CDH18: variants seen among roughly 807,000 people sequenced by gnomAD.
CDH18 encodes cadherin 18, also known as cadherin-18.
In CDH18, 31 loss-of-function variants were observed where a neutral mutation model predicts 67.9. The observed-to-expected ratio is 0.46, with a 90% confidence interval of 0.34 to 0.62. The LOEUF (loss-of-function observed/expected upper bound fraction) is 0.62. Ranked by LOEUF, CDH18 falls within the 20% of genes least tolerant of loss-of-function variation. CDH18 has a pLI of 0.01. For synonymous variants in CDH18, 362 were observed against 347.2 expected, an observed-to-expected ratio of 1.04 and a Z score of -0.48; for missense variants, 890 against 975.5, an observed-to-expected ratio of 0.91 and a Z score of 1.17.
chr5:19,591,480 A>T (rs1025539466), intron 6 of CDH18, among the ~76,000 whole-genome samples: 2 of 152,148 alleles, frequency 1.3e-5, no homozygotes, highest in Non-Finnish European at 2.9e-5. Context: ...TTGAATATGA[A>T]ATATTTTATT....
chr5:20,437,816 A>G (rs183656122), intron 1 of CDH18, among the ~76,000 whole-genome samples: 9 of 151,454 alleles, frequency 5.9e-5, no homozygotes, highest in African/African-American at 2.2e-4. Context: ...AAAAACCTCA[A>G]TTACTTGAAA....
At chr5:20,007,549 T>C (rs1294523181) in intron 2 of CDH18, among the ~76,000 whole-genome samples, 2 of 152,216 alleles carry the variant, frequency 1.3e-5, no homozygotes, top group South Asian at 2.1e-4. Flanking sequence ...ACTCAAAATA[T>C]AGAAATGATG....
intron 1 of CDH18, among the ~76,000 whole-genome samples, chr5:20,531,434 G>A (rs62352733): frequency 0.021 from 3,244 of 151,926 alleles, 70 homozygotes; most frequent in African/African-American, 0.044. Flanking sequence ...AAAATACATC[G>A]ATGTGTATGC....
At chr5:19,837,043 A>G (rs1321702245) in intron 3 of CDH18, among the ~76,000 whole-genome samples, 1 of 152,178 alleles carries the variant, frequency 6.6e-6, no homozygotes, top group Non-Finnish European at 1.5e-5. Flanking sequence ...GATAAATAAA[A>G]TGTGACACAT....
intron 3 of CDH18, among the ~76,000 whole-genome samples, chr5:19,799,179 A>G (rs1241290783): frequency 2.6e-5 from 4 of 152,060 alleles, no homozygotes; most frequent in African/African-American, 9.7e-5. Flanking sequence ...CATTTCACTT[A>G]TATGGGATAT....
chr5:20,226,370 G>T (rs944795722), intron 2 of CDH18, among the ~76,000 whole-genome samples: 21 of 152,060 alleles, frequency 1.4e-4, no homozygotes, highest in Admixed American at 2.6e-4. Flanking sequence ...GATACTGGGT[G>T]ATTATTATAA....
intron 5 of CDH18, among the ~76,000 whole-genome samples, chr5:19,633,550 GT>G: frequency 6.6e-6 from 1 of 152,102 alleles, no homozygotes; most frequent in Non-Finnish European, 1.5e-5. Context: ...GCATAGTGGG[GT>G]GGGGAGGGAA....
intron 1 of CDH18, chr5:20,575,344 T>C (rs932264625): frequency 6.6e-6 from 1 of 152,122 alleles, no homozygotes; most frequent in Non-Finnish European, 1.5e-5. Context: ...CATACTTGTG[T>C]ATAGAATTTA....
At chr5:19,825,056 G>T (rs1780264601) in intron 3 of CDH18, among the ~76,000 whole-genome samples, 1 of 152,090 alleles carries the variant, frequency 6.6e-6, no homozygotes, top group Non-Finnish European at 1.5e-5. Context: ...GTTGTCCCAG[G>T]AAGCATCCAG....
chr5:20,199,556 T>A (rs978342046), intron 2 of CDH18, among the ~76,000 whole-genome samples: 2 of 152,122 alleles, frequency 1.3e-5, no homozygotes, highest in African/African-American at 4.8e-5. Flanking sequence ...TTGCCTCAGA[T>A]GAGATTTTGG....
intron 5 of CDH18, among the ~76,000 whole-genome samples, chr5:19,711,124 T>C (rs1218372761): frequency 6.6e-6 from 1 of 151,926 alleles, no homozygotes; most frequent in Non-Finnish European, 1.5e-5. Flanking sequence ...AGAGTTAATA[T>C]CTGAATCTAT....
At chr5:20,254,497 C>A (rs1055156760) in intron 2 of CDH18, among the ~76,000 whole-genome samples, 11 of 152,104 alleles carry the variant, frequency 7.2e-5, no homozygotes, top group African/African-American at 1.7e-4. Flanking sequence ...AGAAATAAAA[C>A]CTTTGTTAGA....
At chr5:20,261,267 A>T (rs1744627283) in intron 1 of CDH18, among the ~76,000 whole-genome samples, 2 of 152,210 alleles carry the variant, frequency 1.3e-5, no homozygotes, top group African/African-American at 4.8e-5. Flanking sequence ...TGTACTTAAC[A>T]AAAACCTGGA....
intron 1 of CDH18, among the ~76,000 whole-genome samples, chr5:20,357,841 C>A (rs571645282): frequency 6.6e-6 from 1 of 152,150 alleles, no homozygotes; most frequent in South Asian, 2.1e-4. Context: ...AGGACATATG[C>A]ACTTGCATGC....
At chr5:20,261,584 C>CA (rs1037392734) in intron 1 of CDH18, among the ~76,000 whole-genome samples, 26 of 151,862 alleles carry the variant, frequency 1.7e-4, no homozygotes, top group Non-Finnish European at 2.9e-4. Context: ...ACTAAAAATA[C>CA]AAAAAAATTA....
At chr5:20,427,357 G>C (rs1748381254) in intron 1 of CDH18, among the ~76,000 whole-genome samples, 2 of 151,024 alleles carry the variant, frequency 1.3e-5, no homozygotes, top group Non-Finnish European at 2.9e-5. Flanking sequence ...GACAGCCAGG[G>C]CTAATAGAAT....
intron 2 of CDH18, among the ~76,000 whole-genome samples, chr5:20,174,455 C>A (rs933080797): frequency 2.6e-5 from 4 of 152,140 alleles, no homozygotes; most frequent in Non-Finnish European, 5.9e-5. Context: ...CACAGATACA[C>A]TCAGATGTTT....
At chr5:19,756,541 A>G (rs958175055) in intron 3 of CDH18, among the ~76,000 whole-genome samples, 7 of 152,320 alleles carry the variant, frequency 4.6e-5, no homozygotes, top group Admixed American at 1.3e-4. Context: ...GAGACGCCCA[A>G]ATGGATCTCC....
At chr5:19,611,324 G>A (rs1748924706) in intron 6 of CDH18, among the ~76,000 whole-genome samples, 2 of 152,140 alleles carry the variant, frequency 1.3e-5, no homozygotes, top group South Asian at 4.1e-4. Context: ...ATGCAAAAGT[G>A]CTGTGCAAGA....
Sources: gnomAD v4.1 joint callset for allele counts (sites outside exome capture counted in the v4.1 genomes callset) on GRCh38, gnomAD v4.1.1 for gene constraint, MANE v1.5 for transcripts, NCBI Gene and HGNC (gene_info 2026-07-23, HGNC 2026-07-21) for gene names.